The following PPP1R9A variants were observed in gnomAD, a reference collection of about 807,000 sequenced individuals.
PPP1R9A encodes neurabin-1.
A neutral mutation model predicts 141.9 loss-of-function variants in PPP1R9A; 59 were observed. The ratio of observed to expected loss-of-function variants is 0.42; its 90% confidence interval spans 0.34 to 0.52. The LOEUF (loss-of-function observed/expected upper bound fraction) is 0.52. Among genes scored for constraint, PPP1R9A ranks in the 20% least tolerant of loss-of-function variants. The pLI, the probability that PPP1R9A is intolerant of heterozygous loss-of-function variation, is 0.10. For missense variants in PPP1R9A, 1,444 were observed against 1,611.9 expected (o/e 0.90, Z 1.78); for synonymous variants, 500 against 569.7 (o/e 0.88, Z 1.74).
intron 12 of PPP1R9A, among the ~76,000 whole-genome samples, chr7:95,253,323 C>T (rs988323986): frequency 2.0e-5 from 3 of 152,124 alleles, no homozygotes; most frequent in Non-Finnish European, 4.4e-5. Context: ...ATTAAACTGT[C>T]TCCAGTGAAG....
chr7:94,992,045 C>T (rs1340395295), intron 2 of PPP1R9A, among the ~76,000 whole-genome samples: 1 of 152,186 alleles, frequency 6.6e-6, no homozygotes, highest in East Asian at 1.9e-4. Flanking sequence ...TTAAAGTATA[C>T]TATTTGGTAA....
chr7:95,075,640 C>A (rs1009237601), intron 2 of PPP1R9A, among the ~76,000 whole-genome samples: 4 of 151,970 alleles, frequency 2.6e-5, no homozygotes, highest in African/African-American at 9.7e-5. Flanking sequence ...TCAAGACCAT[C>A]CTGGCTAACA....
chr7:95,018,761 G>C (rs143548326), intron 2 of PPP1R9A, among the ~76,000 whole-genome samples: 49 of 152,270 alleles, frequency 3.2e-4, no homozygotes, highest in African/African-American at 8.9e-4. Flanking sequence ...GGCGTTGGTG[G>C]TTAAGGAGGA....
chr7:95,093,795 G>T (rs1817663005), intron 2 of PPP1R9A, among the ~76,000 whole-genome samples: 1 of 152,068 alleles, frequency 6.6e-6, no homozygotes, highest in Non-Finnish European at 1.5e-5. Context: ...CCTGAACTAT[G>T]CATAAGACTT....
At chr7:95,268,111 A>G (rs781577842) in intron 12 of PPP1R9A, among the ~76,000 whole-genome samples, 7 of 152,166 alleles carry the variant, frequency 4.6e-5, no homozygotes, top group Non-Finnish European at 1.0e-4. Context: ...TAAATTTATG[A>G]TAGTTACCTT....
At chr7:95,106,478 T>C (rs1253240148) in intron 2 of PPP1R9A, among the ~76,000 whole-genome samples, 1 of 152,186 alleles carries the variant, frequency 6.6e-6, no homozygotes, top group African/African-American at 2.4e-5. Context: ...CTTGGGGTCT[T>C]CCATGTCAGT....
In PPP1R9A at chr7:95,100,150, T is replaced by G. The variant is rs377372531; in HGVS notation, c.1396-11109T>G. Among the ~76,000 whole-genome samples the G allele has an allele frequency of 1.4e-4, 22 of 152,292 alleles. No individual in the cohort carries two copies. In the East Asian group the frequency reaches 3.9e-3, roughly 27 times the overall value. On this transcript the variant is annotated intron_variant, in intron 2 of 19. Coordinates refer to ENST00000433360, the MANE Select transcript of PPP1R9A (RefSeq NM_001166160.2). ...CTATTTTAAATTTGAGGAGTCGTGG[T>G]GGCTCATGCCTGTAATCCCAGCACT... is the stretch of plus-strand genomic sequence containing the variant.
At chr7:95,207,156 CA>C (rs1790981074) in intron 7 of PPP1R9A, among the ~76,000 whole-genome samples, 1 of 149,680 alleles carries the variant, frequency 6.7e-6, no homozygotes, top group Non-Finnish European at 1.5e-5. Context: ...TTTCAAGGTA[CA>C]AAGTTCGCAG....
chr7:95,201,340 G>C (rs1789525099), intron 6 of PPP1R9A, among the ~76,000 whole-genome samples: 1 of 152,114 alleles, frequency 6.6e-6, no homozygotes, highest in African/African-American at 2.4e-5. Context: ...CTTTGTATCT[G>C]TCTCTCATCC....
chr7:95,080,774 G>A (rs1212699836), intron 2 of PPP1R9A, among the ~76,000 whole-genome samples: 1 of 152,066 alleles, frequency 6.6e-6, no homozygotes, highest in African/African-American at 2.4e-5. Flanking sequence ...TTTTAGGGTG[G>A]CATTCTGGTC....
At chr7:95,050,726 C>T (rs1275759629) in intron 2 of PPP1R9A, among the ~76,000 whole-genome samples, 1 of 152,056 alleles carries the variant, frequency 6.6e-6, no homozygotes, top group Non-Finnish European at 1.5e-5. Context: ...AACTCCATCT[C>T]AAAAGAAATA....
chr7:95,199,791 A>G (rs1789128297), intron 6 of PPP1R9A, among the ~76,000 whole-genome samples: 1 of 152,182 alleles, frequency 6.6e-6, no homozygotes, highest in Non-Finnish European at 1.5e-5. Flanking sequence ...GGATTTCCTC[A>G]AATATTTTGA....
At chr7:95,229,905 G>A (rs1191913640) in intron 8 of PPP1R9A, among the ~76,000 whole-genome samples, 1 of 152,074 alleles carries the variant, frequency 6.6e-6, no homozygotes, top group Non-Finnish European at 1.5e-5. Context: ...ACCCTGCAGA[G>A]TCCACTTCAC....
chr7:95,017,590 G>C (rs1157855023), intron 2 of PPP1R9A, among the ~76,000 whole-genome samples: 1 of 152,084 alleles, frequency 6.6e-6, no homozygotes, highest in Non-Finnish European at 1.5e-5. Context: ...GAATAGGAGG[G>C]TAGAAACTGA....
intron 16 of PPP1R9A, among the ~76,000 whole-genome samples, chr7:95,278,123 C>T (rs1380154992): frequency 1.3e-5 from 2 of 152,292 alleles, no homozygotes; most frequent in East Asian, 3.9e-4. Flanking sequence ...CCTTACTTTT[C>T]CATTAGGCAA....
intron 17 of PPP1R9A, among the ~76,000 whole-genome samples, chr7:95,285,145 G>A (rs751623417): frequency 6.6e-6 from 1 of 152,112 alleles, no homozygotes; most frequent in Non-Finnish European, 1.5e-5. Context: ...AGTTTGTTCG[G>A]TACTGAATTC....
intron 2 of PPP1R9A, among the ~76,000 whole-genome samples, chr7:94,930,304 T>G (rs1464813297): frequency 6.6e-6 from 1 of 152,140 alleles, no homozygotes; most frequent in African/African-American, 2.4e-5. Context: ...AGAAAAAGAT[T>G]AGAAAGATTT....
At chr7:95,036,896 C>CCACTCACA in intron 2 of PPP1R9A, 1 of 152,148 alleles carries the variant, frequency 6.6e-6, no homozygotes, top group South Asian at 2.1e-4. Flanking sequence ...TGATTTCTCA[C>CCACTCACA]CACTCACACT....
chr7:95,100,172 C>G (rs146677593), intron 2 of PPP1R9A, among the ~76,000 whole-genome samples: 8 of 152,186 alleles, frequency 5.3e-5, no homozygotes, highest in African/African-American at 1.7e-4. Flanking sequence ...GTAATCCCAG[C>G]ACTTTCGGAG....
Sources: gnomAD v4.1 joint callset for allele counts (sites outside exome capture counted in the v4.1 genomes callset) on GRCh38, gnomAD v4.1.1 for gene constraint, MANE v1.5 for transcripts, NCBI Gene and HGNC (gene_info 2026-07-23, HGNC 2026-07-21) for gene names.